Variants in PRP4K observed in about 807,000 individuals in gnomAD.
PRP4K encodes serine/threonine-protein kinase PRP4 homolog.
the PRP4K span, chr6:4,032,353 T>A: frequency 6.2e-7 from 1 of 1,613,884 alleles, no homozygotes; most frequent in Non-Finnish European, 8.5e-7. Flanking sequence ...AAATCCCCAA[T>A]TATAAATGAA....
the PRP4K span, among the ~76,000 whole-genome samples, chr6:4,044,863 A>ATTAT: frequency 0.018 from 2,435 of 132,252 alleles, 28 homozygotes; most frequent in African/African-American, 0.037. Context: ...TATTATTATT[A>ATTAT]TTTTTTTTTT....
the PRP4K span, chr6:4,056,713 G>T: frequency 1.3e-6 from 2 of 1,530,466 alleles, no homozygotes; most frequent in Non-Finnish European, 1.8e-6. Context: ...TTTATGGATT[G>T]TATGGGACCT....
the PRP4K span, among the ~76,000 whole-genome samples, chr6:4,039,271 G>A: frequency 2.0e-5 from 3 of 152,182 alleles, no homozygotes; most frequent in Non-Finnish European, 2.9e-5. Flanking sequence ...TCACTTCAGA[G>A]TAATTAGATA....
the PRP4K span, chr6:4,032,544 A>G: frequency 2.5e-6 from 4 of 1,613,662 alleles, no homozygotes; most frequent in Non-Finnish European, 3.4e-6. Context: ...TAGGTCACCC[A>G]GCAGAAGACC....
the PRP4K span, among the ~76,000 whole-genome samples, chr6:4,035,004 T>C: frequency 1.3e-5 from 2 of 151,870 alleles, no homozygotes; most frequent in East Asian, 2.0e-4. Context: ...AGCCACTGTT[T>C]ATTTTCATTG....
At chr6:4,042,116 A>G in the PRP4K span, among the ~76,000 whole-genome samples, 1 of 152,246 alleles carries the variant, frequency 6.6e-6, no homozygotes, top group East Asian at 1.9e-4. Flanking sequence ...TCTGACATCC[A>G]GAAAAGGTAG....
chr6:4,038,928 TTC>T, the PRP4K span, among the ~76,000 whole-genome samples: 51 of 102,380 alleles, frequency 5.0e-4, no homozygotes, highest in East Asian at 1.2e-3. Context: ...GCTTTTTTTT[TTC>T]TTTCTTTCTT....
the PRP4K span, among the ~76,000 whole-genome samples, chr6:4,038,964 CCTT>C: frequency 6.9e-6 from 1 of 145,908 alleles, no homozygotes; most frequent in Admixed American, 7.1e-5. Context: ...TCCAATTGGA[CCTT>C]CTATATTGTT....
chr6:4,035,297 T>TG, the PRP4K span, among the ~76,000 whole-genome samples: 2 of 132,182 alleles, frequency 1.5e-5, no homozygotes. Flanking sequence ...TTTTTTTTTT[T>TG]TTTTTTTTTT....
chr6:4,042,636 G>A, the PRP4K span: 2 of 1,248,152 alleles, frequency 1.6e-6, no homozygotes, highest in Non-Finnish European at 2.3e-6. Context: ...CAAAAATGTA[G>A]CATTAATAAC....
At chr6:4,034,839 A>C in the PRP4K span, among the ~76,000 whole-genome samples, 2 of 149,624 alleles carry the variant, frequency 1.3e-5, no homozygotes, top group Non-Finnish European at 3.0e-5. Context: ...CAGCCTCCCA[A>C]GTAGCTGGGA....
chr6:4,025,910 G>A, the PRP4K span, among the ~76,000 whole-genome samples: 1 of 152,210 alleles, frequency 6.6e-6, no homozygotes. Context: ...GTGAGGCACT[G>A]GAGATAAAAC....
the PRP4K span, among the ~76,000 whole-genome samples, chr6:4,053,391 A>G: frequency 1.3e-5 from 2 of 152,186 alleles, no homozygotes; most frequent in Middle Eastern, 3.4e-3. Flanking sequence ...GGCTTGTTAC[A>G]TAGGTAAACT....
At chr6:4,021,469 A>G in the PRP4K span, 1 of 1,581,752 alleles carries the variant, frequency 6.3e-7, no homozygotes, top group Non-Finnish European at 8.6e-7. Context: ...CAGCCAGAGT[A>G]AGTAGTCTCT....
the PRP4K span, chr6:4,032,796 T>A: frequency 6.9e-7 from 1 of 1,454,766 alleles, no homozygotes; most frequent in Non-Finnish European, 9.0e-7. Context: ...TACCAGTGCA[T>A]GAGATTTTAA....
chr6:4,060,351 G>A, the PRP4K span: 2 of 1,445,668 alleles, frequency 1.4e-6, no homozygotes, highest in Non-Finnish European at 1.9e-6. This position sits in a 1 kb window ranked among gnomAD's most constrained non-coding sequence, Gnocchi z 4.7. Flanking sequence ...AAAACAATCT[G>A]ATTTAAGTTG....
At chr6:4,023,497 A>G in the PRP4K span, among the ~76,000 whole-genome samples, 23 of 152,176 alleles carry the variant, frequency 1.5e-4, no homozygotes, top group Admixed American at 6.5e-5. Context: ...GCCTCCCACT[A>G]TACAATGTGG....
the PRP4K span, chr6:4,052,232 C>A: frequency 1.1e-6 from 1 of 899,772 alleles, no homozygotes; most frequent in Non-Finnish European, 1.6e-6. Flanking sequence ...TTGTTTTTAA[C>A]TTGTGGTTAA....
the PRP4K span, among the ~76,000 whole-genome samples, chr6:4,035,122 G>GTT: frequency 6.8e-6 from 1 of 148,014 alleles, no homozygotes; most frequent in East Asian, 2.0e-4. Flanking sequence ...GTTTTGTTTT[G>GTT]TTTTGTTTTT....
Sources: allele counts gnomAD v4.1 joint callset (sites outside exome capture counted in the v4.1 genomes callset), GRCh38; gene constraint gnomAD v4.1.1; non-coding constraint Gnocchi (gnomAD v3.1); transcripts MANE v1.5; gene names NCBI Gene and HGNC (gene_info 2026-07-23, HGNC 2026-07-21).